Variants in ATP8B1 observed in about 807,000 individuals in gnomAD.
ATP8B1 encodes the protein phospholipid-transporting ATPase IC.
ATP8B1 carries 80 observed loss-of-function variants against 149.9 expected under a neutral mutation model. The observed-to-expected ratio is 0.53, with a 90% CI of 0.45 to 0.64. The LOEUF (loss-of-function observed/expected upper bound fraction) is 0.64. ATP8B1 is among the 30% of genes least tolerant of loss of function. The pLI is 0.00. For missense variants in ATP8B1, 1,247 were observed against 1,552.6 expected (o/e 0.80, Z 3.31); for synonymous variants, 536 against 562.8 (o/e 0.95, Z 0.67).
At position 57,778,459 on chromosome 18, in the gene ATP8B1, T is replaced by A. The variant is rs2080329357; in HGVS notation, c.-26+24539A>T. ...GTTAGCCAGGATGGTCTTGAGCTCC[T>A]GACCTCGTGATCCGCCCGCCTCGCC... On this transcript the variant is annotated intron_variant, in intron 1 of 27. Transcript: ENST00000648908. 3.3e-5 allele frequency among the ~76,000 whole-genome samples: 5 copies of A among 152,132 alleles called. No homozygotes were observed. The South Asian group carries it at 1.0e-3, about 32-fold the overall frequency.
intron 2 of ATP8B1, among the ~76,000 whole-genome samples, chr18:57,730,877 A>G (rs2079757366): frequency 6.6e-6 from 1 of 152,142 alleles, no homozygotes; most frequent in Non-Finnish European, 1.5e-5. Context: ...GGTTATTTAT[A>G]TAACTCATAC....
intron 4 of ATP8B1, among the ~76,000 whole-genome samples, chr18:57,701,551 T>C (rs909718879): frequency 3.9e-5 from 6 of 152,182 alleles, no homozygotes; most frequent in African/African-American, 1.4e-4. Flanking sequence ...CCTGAAATTA[T>C]CTCATTGCAA....
intron 15 of ATP8B1, among the ~76,000 whole-genome samples, chr18:57,675,900 T>C (rs2122757197): frequency 6.6e-6 from 1 of 152,080 alleles, no homozygotes; most frequent in Non-Finnish European, 1.5e-5. Flanking sequence ...AGAGACGGGG[T>C]TTCACCATGT....
chr18:57,748,505 C>G lies in ATP8B1; in HGVS notation c.-25-16673G>C, dbSNP rs569299109. Among the ~76,000 whole-genome samples, 13 of 152,334 alleles carry G rather than the reference C, an allele frequency of 8.5e-5. No homozygotes were observed. The East Asian group carries it at 2.5e-3, about 29-fold the overall frequency. On this transcript the variant is annotated intron_variant, in intron 1 of 27. Transcript: ENST00000648908. ...ATAAGCTTCTGTTCTTTAAGCTGCT[C>G]TGTGTGTGGTACCTTGTTACAGCAG...
intron 21 of ATP8B1, 84 bp downstream of exon 21, chr18:57,662,399 T>C: frequency 1.3e-6 from 2 of 1,552,468 alleles, no homozygotes; most frequent in Non-Finnish European, 8.9e-7. Context: ...AGGTTGGCAG[T>C]TAACATGTGA....
chr18:57,765,356 A>C (rs1181857469), intron 1 of ATP8B1, among the ~76,000 whole-genome samples: 1 of 152,188 alleles, frequency 6.6e-6, no homozygotes, highest in Admixed American at 6.5e-5. Context: ...AATGCCCTTA[A>C]AGACACTGAA....
At chr18:57,713,237 TTCCTTC>T (rs1913810031) in intron 2 of ATP8B1, among the ~76,000 whole-genome samples, 1 of 130,874 alleles carries the variant, frequency 7.6e-6, no homozygotes, top group African/African-American at 3.0e-5. Flanking sequence ...CCTTCCTTCC[TTCCTTC>T]TTTCTTTCTT....
chr18:57,668,758 A>G (rs1381557603), intron 18 of ATP8B1: 6 of 502,552 alleles, frequency 1.2e-5, no homozygotes, highest in Non-Finnish European at 2.1e-5. Context: ...AGGATGAACT[A>G]TTTAATTTAC....
At chr18:57,651,200 G>A (rs992013624) in intron 26 of ATP8B1, among the ~76,000 whole-genome samples, 1 of 152,080 alleles carries the variant, frequency 6.6e-6, no homozygotes, top group African/African-American at 2.4e-5. Flanking sequence ...TCAACCTCCT[G>A]GGCTCAGGTG....
chr18:57,699,454 C>T (rs775695656), intron 6 of ATP8B1, among the ~76,000 whole-genome samples: 10 of 152,030 alleles, frequency 6.6e-5, no homozygotes, highest in African/African-American at 9.7e-5. Flanking sequence ...ACAGGAGTCT[C>T]GGCCGGGCCC....
intron 11 of ATP8B1, among the ~76,000 whole-genome samples, chr18:57,693,591 C>T (rs569216617): frequency 1.1e-4 from 16 of 152,046 alleles, no homozygotes; most frequent in African/African-American, 3.9e-4. Context: ...GCCTGTAATC[C>T]CAGCTACTTG....
intron 12 of ATP8B1, among the ~76,000 whole-genome samples, chr18:57,690,193 C>T (rs1408357774): frequency 1.3e-5 from 2 of 152,138 alleles, no homozygotes; most frequent in Non-Finnish European, 2.9e-5. Context: ...CAGATAGATA[C>T]CTATGTAAGG....
chr18:57,651,470 T>C (rs972818573), intron 26 of ATP8B1, among the ~76,000 whole-genome samples: 1 of 152,146 alleles, frequency 6.6e-6, no homozygotes, highest in African/African-American at 2.4e-5. Flanking sequence ...TCTTAAGTTA[T>C]CTAATTCAAC....
chr18:57,719,202 G>A (rs1245248194), intron 2 of ATP8B1, among the ~76,000 whole-genome samples: 1 of 152,200 alleles, frequency 6.6e-6, no homozygotes, highest in Non-Finnish European at 1.5e-5. Flanking sequence ...CTTTCTGTAT[G>A]CCAACAGCAA....
intron 2 of ATP8B1, among the ~76,000 whole-genome samples, chr18:57,727,792 A>G (rs1310862478): frequency 6.6e-6 from 1 of 152,178 alleles, no homozygotes; most frequent in East Asian, 1.9e-4. Flanking sequence ...ATCTCAAAAC[A>G]AAAACAAACA....
At chr18:57,708,733 A>C (rs1478206620) in intron 2 of ATP8B1, among the ~76,000 whole-genome samples, 2 of 152,232 alleles carry the variant, frequency 1.3e-5, no homozygotes, top group Non-Finnish European at 2.9e-5. Flanking sequence ...AGTGGAAAGA[A>C]GAAACTGCCC....
chr18:57,790,807 G>T (rs1040172835), intron 1 of ATP8B1, among the ~76,000 whole-genome samples: 9 of 152,076 alleles, frequency 5.9e-5, no homozygotes, highest in African/African-American at 2.2e-4. Context: ...TGCAACCTTT[G>T]CCTCCTTGGT....
At chr18:57,798,751 C>T (rs2080543361) in intron 1 of ATP8B1, among the ~76,000 whole-genome samples, 1 of 152,134 alleles carries the variant, frequency 6.6e-6, no homozygotes, top group Non-Finnish European at 1.5e-5. Flanking sequence ...AGCAACCAGG[C>T]CCCCTCACGA....
chr18:57,709,235 A>C (rs1362491545), intron 2 of ATP8B1, among the ~76,000 whole-genome samples: 1 of 152,218 alleles, frequency 6.6e-6, no homozygotes, highest in Non-Finnish European at 1.5e-5. Flanking sequence ...AGATACCATG[A>C]AAATATGAAA....
Sources: allele counts gnomAD v4.1 joint callset (sites outside exome capture counted in the v4.1 genomes callset), GRCh38; gene constraint gnomAD v4.1.1; transcripts MANE v1.5; gene names NCBI Gene and HGNC (gene_info 2026-07-23, HGNC 2026-07-21).